ANKRD42: variants seen among roughly 807,000 people sequenced by gnomAD.
The protein encoded by ANKRD42 is ankyrin repeat domain-containing protein 42.
ANKRD42 carries 43 observed loss-of-function variants against 51.5 expected under a neutral mutation model. That is an observed-to-expected ratio of 0.83 (90% CI 0.65 to 1.08). ANKRD42 has a LOEUF of 1.08. ANKRD42 is among the 50% of genes least tolerant of loss of function. The pLI is 0.00. For synonymous variants in ANKRD42, 203 were observed against 213.0 expected, an observed-to-expected ratio of 0.95 and a Z score of 0.41; for missense variants, 608 against 629.3, an observed-to-expected ratio of 0.97 and a Z score of 0.36.
intron 5 of ANKRD42, chr11:83,213,247 C>G (rs1201704847): frequency 1.3e-6 from 2 of 1,598,310 alleles, no homozygotes; most frequent in Non-Finnish European, 1.7e-6. Flanking sequence ...TGGTCCACAA[C>G]ATCAAGGAGC....
intron 5 of ANKRD42, chr11:83,213,181 T>G: frequency 6.2e-7 from 1 of 1,601,268 alleles, no homozygotes; most frequent in Non-Finnish European, 8.5e-7. Flanking sequence ...CAACATTGGT[T>G]GTGGGAGCGA....
chr11:83,238,850 C>T (rs923083222), intron 8 of ANKRD42, among the ~76,000 whole-genome samples: 1 of 150,358 alleles, frequency 6.7e-6, no homozygotes, highest in African/African-American at 2.4e-5. Flanking sequence ...AAAAAAAATT[C>T]AAAAAATTAG....
chr11:83,194,868 T>C (rs1321917251), intron 1 of ANKRD42, 140 bp downstream of exon 1: 1 of 858,246 alleles, frequency 1.2e-6, no homozygotes, highest in Non-Finnish European at 1.8e-6. Flanking sequence ...TTTCAGGGGA[T>C]ACCAAAGCTG....
rs1326671943 is a variant in ANKRD42 at position 83,255,852 on chromosome 11, G to A, written c.1472G>A (p.Ser491Asn). ...CTTTTCCTTTGCTTATAGGAAGACA[G>A]CGCTTCTTGTGAGTCAAACAAAGAG... Residue 491 changes from serine (S) to asparagine (N), a missense_variant, in exon 12 of 12, where the codon AGC becomes AAC. Transcript: ENST00000260047. The A allele has an allele frequency of 3.3e-6, 5 of 1,528,966 alleles. 1 individual carries two copies. The South Asian group carries it at 4.9e-5, about 15-fold the overall frequency. 94.7% of individuals were successfully genotyped at this position (1,528,966 alleles called of 1,614,324 possible).
chr11:83,221,614 C>T (rs1035469429), intron 5 of ANKRD42, among the ~76,000 whole-genome samples: 3 of 152,148 alleles, frequency 2.0e-5, no homozygotes, highest in African/African-American at 7.2e-5. Flanking sequence ...CCCTAAATGG[C>T]ACCTTATGCT....
At chr11:83,262,943 C>A (rs1054872051), downstream of ANKRD42, among the ~76,000 whole-genome samples, 1 of 152,170 alleles carries the variant, frequency 6.6e-6, no homozygotes, top group East Asian at 1.9e-4. Flanking sequence ...TGCTACTATG[C>A]TGAGCAATTA....
chr11:83,251,107 A>G (rs1192295199), downstream of ANKRD42, among the ~76,000 whole-genome samples: 1 of 152,128 alleles, frequency 6.6e-6, no homozygotes, highest in Non-Finnish European at 1.5e-5. Flanking sequence ...ATATATATTA[A>G]TAGCTTATTT....
intron 1 of ANKRD42, among the ~76,000 whole-genome samples, chr11:83,195,283 G>A (rs968881003): frequency 1.3e-5 from 2 of 152,086 alleles, no homozygotes; most frequent in African/African-American, 4.8e-5. Context: ...TTTGTGCTCC[G>A]TCTTAAGGAA....
At chr11:83,257,658 A>G (rs1863797845), downstream of ANKRD42, among the ~76,000 whole-genome samples, 1 of 152,218 alleles carries the variant, frequency 6.6e-6, no homozygotes, top group Admixed American at 6.5e-5. Context: ...TTTCAAAACC[A>G]TTTATCTTCC....
intron 5 of ANKRD42, among the ~76,000 whole-genome samples, chr11:83,216,959 A>G (rs763593466): frequency 6.6e-6 from 1 of 151,870 alleles, no homozygotes; most frequent in South Asian, 2.1e-4. Context: ...GGGGCCCTGC[A>G]GTTGTGGTGT....
At chr11:83,256,299 A>G (rs1863773395), downstream of ANKRD42, among the ~76,000 whole-genome samples, 1 of 152,148 alleles carries the variant, frequency 6.6e-6, no homozygotes, top group African/African-American at 2.4e-5. Context: ...ATAGAATTAT[A>G]TTTCTTTCAC....
At chr11:83,226,815 AAAAC>A (rs1862901935) in intron 6 of ANKRD42, among the ~76,000 whole-genome samples, 3 of 152,146 alleles carry the variant, frequency 2.0e-5, no homozygotes, top group Non-Finnish European at 4.4e-5. Context: ...AAAACAAAAC[AAAAC>A]AAAACAGTAT....
At chr11:83,252,506 A>G (rs991164235), downstream of ANKRD42, among the ~76,000 whole-genome samples, 1 of 152,268 alleles carries the variant, frequency 6.6e-6, no homozygotes, top group African/African-American at 2.4e-5. Flanking sequence ...GGAATATTAT[A>G]TAGCAATGAA....
At chr11:83,255,976 C>G (rs1424978202) in exon 12 of ANKRD42, 1 of 1,414,130 alleles carries the variant, frequency 7.1e-7, no homozygotes, top group Non-Finnish European at 9.5e-7. Flanking sequence ...TTTTCTCTTT[C>G]ATTAAAAAAA....
chr11:83,261,223 T>C (rs1020604899), downstream of ANKRD42: 2 of 152,078 alleles, frequency 1.3e-5, no homozygotes, highest in African/African-American at 4.8e-5. Context: ...TGTGCCACCA[T>C]GCCTGGCTAA....
chr11:83,209,346 G>C (rs1326954056), intron 3 of ANKRD42: 11 of 1,238,378 alleles, frequency 8.9e-6, no homozygotes, highest in Non-Finnish European at 1.3e-5. Context: ...GTGCTGCTGG[G>C]AGTTGCTTGG....
chr11:83,262,861 G>A (rs898251065), downstream of ANKRD42, among the ~76,000 whole-genome samples: 5 of 152,130 alleles, frequency 3.3e-5, no homozygotes, highest in African/African-American at 7.2e-5. Flanking sequence ...AGAGTTTCTT[G>A]TCTTACAGCC....
chr11:83,241,570 T>C (rs573748105), intron 9 of ANKRD42, among the ~76,000 whole-genome samples: 2 of 152,052 alleles, frequency 1.3e-5, no homozygotes, highest in South Asian at 2.1e-4. Flanking sequence ...TTATGTAGCA[T>C]TGAGAATGGT....
chr11:83,225,084 T>C, intron 6 of ANKRD42, 29 bp downstream of exon 6: 1 of 1,562,328 alleles, frequency 6.4e-7, no homozygotes, highest in Non-Finnish European at 8.8e-7. Context: ...TGTTCTAGCA[T>C]ATAATGTGAT....
Sources: gnomAD v4.1 joint callset for allele counts (sites outside exome capture counted in the v4.1 genomes callset) on GRCh38, gnomAD v4.1.1 for gene constraint, MANE v1.5 for transcripts, NCBI Gene and HGNC (gene_info 2026-07-23, HGNC 2026-07-21) for gene names.